The following UNC5D variants were observed in gnomAD, a reference collection of about 807,000 sequenced individuals.
The protein encoded by UNC5D is unc-5 netrin receptor D.
In UNC5D, 39 loss-of-function variants were observed where a neutral mutation model predicts 105.4. The ratio of observed to expected loss-of-function variants is 0.37; its 90% CI spans 0.29 to 0.48. The LOEUF is 0.48. Ranked by LOEUF, UNC5D falls within the 20% of genes least tolerant of loss-of-function variation. The pLI is 0.98. For synonymous variants in UNC5D, 452 were observed against 450.4 expected, an observed-to-expected ratio of 1.00 and a Z score of -0.04; for missense variants, 991 against 1,202.4, an observed-to-expected ratio of 0.82 and a Z score of 2.60.
intron 4 of UNC5D, among the ~76,000 whole-genome samples, chr8:35,679,130 G>C (rs767204615): frequency 3.3e-5 from 5 of 152,104 alleles, no homozygotes; most frequent in Non-Finnish European, 7.4e-5. Context: ...CATACCTGTA[G>C]TCCCAGCTAG....
At chr8:35,349,274 A>T (rs1252779766) in intron 1 of UNC5D, among the ~76,000 whole-genome samples, 3 of 152,000 alleles carry the variant, frequency 2.0e-5, no homozygotes, top group Non-Finnish European at 4.4e-5. Context: ...ATCTGAAACC[A>T]TATTAAAGAA....
At position 35,591,236 on chromosome 8, in the gene UNC5D, T is replaced by G. The variant is rs1819152341; in HGVS notation, c.467-4318T>G. Among the ~76,000 whole-genome samples the G allele has an allele frequency of 2.0e-5, 3 of 151,912 alleles. No homozygotes were observed. The South Asian group carries it at 6.2e-4, about 32-fold the overall frequency. On this transcript the variant is annotated intron_variant, in intron 3 of 16. Coordinates refer to ENST00000404895, the MANE Select transcript of UNC5D (RefSeq NM_080872.4). ...ACTAACTTGTTTGCAAATAAAAAAT[T>G]AGCTCCTATGCTTTTTACAAAAAAA... is the stretch of plus-strand genomic sequence containing the variant.
At chr8:35,648,009 T>C (rs1171552118) in intron 4 of UNC5D, among the ~76,000 whole-genome samples, 1 of 152,158 alleles carries the variant, frequency 6.6e-6, no homozygotes, top group African/African-American at 2.4e-5. Flanking sequence ...TAGAAAATAA[T>C]TGAAGTCAAC....
At chr8:35,717,847 TAAC>T (rs959140156) in intron 8 of UNC5D, among the ~76,000 whole-genome samples, 44 of 152,226 alleles carry the variant, frequency 2.9e-4, no homozygotes, top group Non-Finnish European at 4.4e-4. Flanking sequence ...TCTCTCCTTA[TAAC>T]AACATTTTAT....
At chr8:35,577,886 C>T (rs148845805) in intron 3 of UNC5D, among the ~76,000 whole-genome samples, 3 of 152,146 alleles carry the variant, frequency 2.0e-5, no homozygotes, top group African/African-American at 7.2e-5. Flanking sequence ...GATGTGATAT[C>T]CTGATGTGAT....
intron 1 of UNC5D, among the ~76,000 whole-genome samples, chr8:35,298,843 G>T (rs186529919): frequency 6.6e-6 from 1 of 152,286 alleles, no homozygotes; most frequent in Admixed American, 6.5e-5. Flanking sequence ...AAGAGAAGTG[G>T]TACTTGAACA....
intron 1 of UNC5D, chr8:35,254,629 A>AT (rs1408708401): frequency 6.6e-6 from 1 of 152,188 alleles, no homozygotes; most frequent in African/African-American, 2.4e-5. Context: ...GCCTTTGTTC[A>AT]TGCCCCTTGT....
intron 1 of UNC5D, among the ~76,000 whole-genome samples, chr8:35,372,224 A>T (rs191459440): frequency 1.3e-5 from 2 of 152,214 alleles, no homozygotes; most frequent in Non-Finnish European, 2.9e-5. Context: ...ACTGGGGTCA[A>T]GCGATCCTCC....
At chr8:35,248,985 A>AATATATTATATATAAACATATATAAT (rs1403108008) in intron 1 of UNC5D, among the ~76,000 whole-genome samples, 4 of 89,736 alleles carry the variant, frequency 4.5e-5, no homozygotes, top group African/African-American at 9.1e-5. Flanking sequence ...ATTTTTATAT[A>AATATATTATATATAAACATATATAAT]ATATATTATA....
intron 1 of UNC5D, among the ~76,000 whole-genome samples, chr8:35,450,858 TG>T (rs986364857): frequency 1.3e-5 from 2 of 152,120 alleles, no homozygotes; most frequent in African/African-American, 4.8e-5. Flanking sequence ...ACAGGATTTT[TG>T]TTGGATGATT....
At position 35,384,174 on chromosome 8, in the gene UNC5D, G is replaced by A. The variant is rs373617770; in HGVS notation, c.103+148287G>A. On this transcript the variant is annotated intron_variant, in intron 1 of 16. Coordinates refer to ENST00000404895, the MANE Select transcript of UNC5D (RefSeq NM_080872.4). ...GGCGGAGTTGCAGTAAGCCGAGATC[G>A]TGCCACTACACTCCAGCCTGGGTGA... Among the ~76,000 whole-genome samples the A allele has an allele frequency of 2.3e-4, 34 of 150,040 alleles. 1 individual carries two copies. Among genetic ancestry groups the A allele is most frequent in the Admixed American group, 2.1e-3 (32 of 15,080 alleles).
At chr8:35,689,776 C>CT (rs377658318) in intron 7 of UNC5D, among the ~76,000 whole-genome samples, 8 of 151,112 alleles carry the variant, frequency 5.3e-5, no homozygotes, top group South Asian at 2.1e-4. Context: ...GGGCCGTCTG[C>CT]TTTTTTTTTC....
At chr8:35,708,928 ATCTTCTCTATTTCAGGGAACAG>A (rs1269769831) in intron 8 of UNC5D, among the ~76,000 whole-genome samples, 1 of 152,000 alleles carries the variant, frequency 6.6e-6, no homozygotes, top group East Asian at 1.9e-4. Context: ...TCCTTTTCCC[ATCTTCTCTATTTCAGGGAACAG>A]TATACCATCA....
intron 4 of UNC5D, among the ~76,000 whole-genome samples, chr8:35,674,878 T>C (rs1325498622): frequency 1.3e-5 from 2 of 152,202 alleles, no homozygotes; most frequent in Admixed American, 6.5e-5. Flanking sequence ...TTTTGTAAGA[T>C]GCTAACTTCA....
intron 4 of UNC5D, among the ~76,000 whole-genome samples, chr8:35,622,881 C>G (rs1179840708): frequency 6.6e-6 from 1 of 152,164 alleles, no homozygotes; most frequent in African/African-American, 2.4e-5. Flanking sequence ...CTATTCCAGT[C>G]AGAGCTAATG....
chr8:35,654,124 A>G (rs887421343), intron 4 of UNC5D, among the ~76,000 whole-genome samples: 14 of 152,150 alleles, frequency 9.2e-5, no homozygotes. Context: ...TTCCTATTAT[A>G]TGAATTTCCT....
chr8:35,282,247 G>A (rs1341827757), intron 1 of UNC5D, among the ~76,000 whole-genome samples: 1 of 152,174 alleles, frequency 6.6e-6, no homozygotes, highest in African/African-American at 2.4e-5. Flanking sequence ...CTGTCAGCTT[G>A]ATGGCTGCCA....
intron 1 of UNC5D, among the ~76,000 whole-genome samples, chr8:35,508,477 A>G (rs1185098565): frequency 6.6e-6 from 1 of 152,250 alleles, no homozygotes; most frequent in African/African-American, 2.4e-5. Context: ...AGACAAAGGC[A>G]GGGATCACTT....
intron 8 of UNC5D, among the ~76,000 whole-genome samples, chr8:35,714,958 C>G (rs1586511412): frequency 6.6e-6 from 1 of 152,186 alleles, no homozygotes. Flanking sequence ...TTGAGACCAG[C>G]CTGACCAACA....
Sources: gnomAD v4.1 joint callset for allele counts (sites outside exome capture counted in the v4.1 genomes callset) on GRCh38, gnomAD v4.1.1 for gene constraint, MANE v1.5 for transcripts, NCBI Gene and HGNC (gene_info 2026-07-23, HGNC 2026-07-21) for gene names.